Variants in NTM observed in about 807,000 individuals in gnomAD.
The protein encoded by NTM is neurotrimin.
In NTM, 13 loss-of-function variants were observed where a neutral mutation model predicts 42.1. The ratio of observed to expected loss-of-function variants is 0.31; its 90% CI spans 0.20 to 0.49. The LOEUF (loss-of-function observed/expected upper bound fraction) is 0.49. NTM is among the 20% of genes least tolerant of loss of function. The pLI is 0.99. For missense variants in NTM, 373 were observed against 452.8 expected, an observed-to-expected ratio of 0.82 and a Z score of 1.60; for synonymous variants, 187 against 179.2, an observed-to-expected ratio of 1.04 and a Z score of -0.35.
intron 7 of NTM, among the ~76,000 whole-genome samples, chr11:132,327,440 G>A (rs2095707570): frequency 6.6e-6 from 1 of 152,242 alleles, no homozygotes; most frequent in Admixed American, 6.5e-5. Flanking sequence ...GTTCTTCCCT[G>A]CAGAGGATTA....
At chr11:131,753,649 A>C (rs1278488198) in intron 1 of NTM, among the ~76,000 whole-genome samples, 1 of 150,816 alleles carries the variant, frequency 6.6e-6, no homozygotes. Flanking sequence ...AGAACAAAAA[A>C]CCAAACACTG....
intron 2 of NTM, among the ~76,000 whole-genome samples, chr11:132,049,919 C>A (rs942785785): frequency 6.6e-6 from 1 of 152,058 alleles, no homozygotes; most frequent in Non-Finnish European, 1.5e-5. Flanking sequence ...GGTGGGGGGC[C>A]CTTCCAACAG....
chr11:132,210,991 C>T (rs1037265), intron 3 of NTM, among the ~76,000 whole-genome samples: 68,337 of 151,848 alleles, frequency 0.45, 15,801 homozygotes, highest in Middle Eastern at 0.58. Context: ...CTAACTGAGG[C>T]TTAATTTGAT....
intron 1 of NTM, among the ~76,000 whole-genome samples, chr11:131,838,986 A>G (rs1242410367): frequency 1.4e-5 from 2 of 146,348 alleles, no homozygotes; most frequent in Non-Finnish European, 3.0e-5. Context: ...TTTTAGATGG[A>G]GTCTCGCACT....
intron 1 of NTM, among the ~76,000 whole-genome samples, chr11:131,714,531 G>C (rs994902948): frequency 2.6e-5 from 4 of 152,076 alleles, no homozygotes; most frequent in Non-Finnish European, 4.4e-5. Context: ...ATTCCCTGGC[G>C]CTGGCTGAAA....
chr11:131,976,691 G>A (rs990351138), intron 2 of NTM, among the ~76,000 whole-genome samples: 2 of 152,256 alleles, frequency 1.3e-5, no homozygotes, highest in South Asian at 4.2e-4. Flanking sequence ...CTGGAGTTCT[G>A]AGATCCATAG....
intron 2 of NTM, among the ~76,000 whole-genome samples, chr11:132,026,130 A>G (rs959833554): frequency 6.6e-6 from 1 of 152,258 alleles, no homozygotes; most frequent in African/African-American, 2.4e-5. Flanking sequence ...GCTAATCATT[A>G]TGATGAATGC....
At chr11:131,693,782 TG>T (rs2075088737) in intron 1 of NTM, among the ~76,000 whole-genome samples, 1 of 152,202 alleles carries the variant, frequency 6.6e-6, no homozygotes, top group South Asian at 2.1e-4. Flanking sequence ...GCAGTCACTA[TG>T]GAGTGTCTCT....
chr11:132,218,479 A>G (rs1219691457), intron 4 of NTM, among the ~76,000 whole-genome samples: 1 of 152,184 alleles, frequency 6.6e-6, no homozygotes, highest in Non-Finnish European at 1.5e-5. Context: ...GAAGTCGCCC[A>G]AGTCTCTAGG....
chr11:132,251,420 A>G (rs1262774502), intron 4 of NTM, among the ~76,000 whole-genome samples: 2 of 152,198 alleles, frequency 1.3e-5, no homozygotes, highest in African/African-American at 2.4e-5. Context: ...AAACTGTCTC[A>G]TCCAGTTCCT....
intron 1 of NTM, among the ~76,000 whole-genome samples, chr11:131,756,250 G>A (rs2083313990): frequency 6.6e-6 from 1 of 152,162 alleles, no homozygotes; most frequent in Admixed American, 6.5e-5. Context: ...GAAGAATAGC[G>A]GTGGAGGTAC....
intron 1 of NTM, among the ~76,000 whole-genome samples, chr11:131,747,802 A>G (rs1317070452): frequency 1.3e-5 from 2 of 152,156 alleles, no homozygotes; most frequent in African/African-American, 4.8e-5. Context: ...TGTCTCTGCC[A>G]TTGACATTGT....
At chr11:132,043,715 G>A (rs941402864) in intron 2 of NTM, among the ~76,000 whole-genome samples, 1 of 152,220 alleles carries the variant, frequency 6.6e-6, no homozygotes, top group South Asian at 2.1e-4. Context: ...ACAAGCCACA[G>A]CATCAGGCTT....
intron 2 of NTM, among the ~76,000 whole-genome samples, chr11:131,966,266 G>A (rs2062823255): frequency 6.6e-6 from 1 of 152,164 alleles, no homozygotes; most frequent in African/African-American, 2.4e-5. Flanking sequence ...AAGAGTTGCA[G>A]TAAAGGCACA....
intron 1 of NTM, among the ~76,000 whole-genome samples, chr11:131,390,584 G>A (rs1943876337): frequency 6.6e-6 from 1 of 152,138 alleles, no homozygotes; most frequent in Non-Finnish European, 1.5e-5. Context: ...CAGGATTGAG[G>A]TCGGGGTGGA....
intron 4 of NTM, among the ~76,000 whole-genome samples, chr11:132,216,531 C>T (rs1190463908): frequency 3.3e-5 from 5 of 152,176 alleles, no homozygotes; most frequent in South Asian, 2.1e-4. Flanking sequence ...CTAGATAACA[C>T]GTTGTACTGA....
At chr11:131,494,572 G>A (rs1370854408) in intron 1 of NTM, among the ~76,000 whole-genome samples, 2 of 152,222 alleles carry the variant, frequency 1.3e-5, no homozygotes, top group South Asian at 2.1e-4. Flanking sequence ...AACTGGGACA[G>A]TCTGGGGCAA....
chr11:131,592,433 T>A (rs2059440177), intron 1 of NTM, among the ~76,000 whole-genome samples: 1 of 150,492 alleles, frequency 6.6e-6, no homozygotes. Context: ...ACTTGTTTAG[T>A]AAACAGGGCA....
chr11:131,625,309 A>G (rs1419128956), intron 1 of NTM, among the ~76,000 whole-genome samples: 2 of 152,134 alleles, frequency 1.3e-5, no homozygotes, highest in African/African-American at 4.8e-5. Flanking sequence ...GTCTTTATGG[A>G]CCCCTCTGAG....
Sources: gnomAD v4.1 joint callset for allele counts (sites outside exome capture counted in the v4.1 genomes callset) on GRCh38, gnomAD v4.1.1 for gene constraint, MANE v1.5 for transcripts, NCBI Gene and HGNC (gene_info 2026-07-23, HGNC 2026-07-21) for gene names.